The following TMEM178B variants were observed in gnomAD, a reference collection of about 807,000 sequenced individuals.
TMEM178B encodes transmembrane protein 178B.
Under a neutral mutation model 31.0 loss-of-function variants are expected in TMEM178B, and 5 were observed. The observed-to-expected ratio is 0.16, with a 90% CI of 0.08 to 0.34. TMEM178B has a LOEUF of 0.34. Ranked by LOEUF, TMEM178B falls within the 10% of genes least tolerant of loss-of-function variation. TMEM178B has a pLI of 1.00. For missense variants in TMEM178B, 275 were observed against 400.3 expected, an observed-to-expected ratio of 0.69 and a Z score of 2.67; for synonymous variants, 164 against 164.0, an observed-to-expected ratio of 1.00 and a Z score of 0.00.
chr7:141,507,243 G>T, the TMEM178B span, among the ~76,000 whole-genome samples: 2 of 152,190 alleles, frequency 1.3e-5, no homozygotes, highest in Non-Finnish European at 2.9e-5. Flanking sequence ...CTGTGTGGGG[G>T]CTCCAACCCC....
At position 141,309,601 on chromosome 7, in the gene TMEM178B, AT is replaced by A. The variant is rs577757601; in HGVS notation, c.496+96903del. Among the ~76,000 whole-genome samples, 227 of 152,210 alleles carry A rather than the reference AT, an allele frequency of 1.5e-3. 1 individual carries two copies. Among genetic ancestry groups the A allele is most frequent in the South Asian group, 4.1e-3 (20 of 4,822 alleles). On this transcript the variant is annotated intron_variant, in intron 2 of 3. Transcript: ENST00000565468. ...TTTGATAGATTAGGGATAGATATTA[AT>A]TTTTTATCTTCTCTTGTGACTTGAT...
At chr7:141,452,735 T>TA (rs1027312317) in intron 3 of TMEM178B, among the ~76,000 whole-genome samples, 10 of 152,122 alleles carry the variant, frequency 6.6e-5, no homozygotes, top group East Asian at 3.9e-4. Flanking sequence ...GTTAATATAT[T>TA]AAAAAAAATA....
the TMEM178B span, among the ~76,000 whole-genome samples, chr7:141,496,140 A>C: frequency 6.6e-6 from 1 of 152,154 alleles, no homozygotes; most frequent in African/African-American, 2.4e-5. Flanking sequence ...AGCTAAGCAC[A>C]TGCTCCTATG....
intron 2 of TMEM178B, among the ~76,000 whole-genome samples, chr7:141,233,435 C>T (rs535804698): frequency 1.1e-4 from 16 of 152,186 alleles, no homozygotes; most frequent in African/African-American, 3.9e-4. Context: ...AAATTTTCTC[C>T]ATTTTTCCAT....
intron 1 of TMEM178B, among the ~76,000 whole-genome samples, chr7:141,154,402 C>T (rs779140598): frequency 6.6e-6 from 1 of 152,144 alleles, no homozygotes; most frequent in Non-Finnish European, 1.5e-5. Context: ...TAGGACAGAC[C>T]GAGGCTCTGC....
intron 2 of TMEM178B, among the ~76,000 whole-genome samples, chr7:141,241,900 G>A (rs1348877291): frequency 2.0e-5 from 3 of 151,946 alleles, no homozygotes; most frequent in African/African-American, 2.4e-5. Flanking sequence ...AAAATTTATC[G>A]AGAGATCTTT....
intron 2 of TMEM178B, among the ~76,000 whole-genome samples, chr7:141,435,302 G>A (rs1801514567): frequency 6.6e-6 from 1 of 152,228 alleles, no homozygotes; most frequent in South Asian, 2.1e-4. Context: ...GGAAGTATAA[G>A]CCCCTTACAG....
intron 2 of TMEM178B, among the ~76,000 whole-genome samples, chr7:141,414,073 TCA>T (rs1491458477): frequency 1.4e-5 from 1 of 72,994 alleles, no homozygotes; most frequent in Non-Finnish European, 2.5e-5. Flanking sequence ...TCCAAAAACA[TCA>T]TTTTTTTTTT....
intron 1 of TMEM178B, among the ~76,000 whole-genome samples, chr7:141,138,101 G>A (rs921622579): frequency 6.8e-6 from 1 of 147,548 alleles, no homozygotes; most frequent in Non-Finnish European, 1.5e-5. Context: ...TCGCTCAGTC[G>A]CCCAGGCTGG....
At chr7:141,427,290 T>A (rs1325977254) in intron 2 of TMEM178B, among the ~76,000 whole-genome samples, 1 of 152,172 alleles carries the variant, frequency 6.6e-6, no homozygotes, top group Non-Finnish European at 1.5e-5. Context: ...GCTGGAGATG[T>A]CATACTTCCT....
chr7:141,192,591 A>G (rs573491552), intron 1 of TMEM178B, among the ~76,000 whole-genome samples: 1 of 151,656 alleles, frequency 6.6e-6, no homozygotes, highest in Non-Finnish European at 1.5e-5. Flanking sequence ...CAGCCTCCCG[A>G]ATAGCTGCGA....
chr7:141,360,833 G>T (rs1799905852), intron 2 of TMEM178B, among the ~76,000 whole-genome samples: 1 of 152,032 alleles, frequency 6.6e-6, no homozygotes, highest in Non-Finnish European at 1.5e-5. Context: ...TAGGTGTACT[G>T]ATAAGTAAGA....
intron 1 of TMEM178B, among the ~76,000 whole-genome samples, chr7:141,132,112 G>C (rs1478674456): frequency 1.3e-5 from 2 of 152,138 alleles, no homozygotes; most frequent in African/African-American, 4.8e-5. Flanking sequence ...TGAGTGCTGA[G>C]GCTGAGGATT....
intron 1 of TMEM178B, among the ~76,000 whole-genome samples, chr7:141,143,266 G>A (rs1795803544): frequency 6.6e-6 from 1 of 152,122 alleles, no homozygotes; most frequent in East Asian, 1.9e-4. Flanking sequence ...TTGCTTTTGA[G>A]GACTTAGTCA....
At chr7:141,252,011 A>G (rs1349779691) in intron 2 of TMEM178B, among the ~76,000 whole-genome samples, 1 of 152,216 alleles carries the variant, frequency 6.6e-6, no homozygotes, top group African/African-American at 2.4e-5. Context: ...TTAAGGCTTA[A>G]AAAGTTGCAA....
At chr7:141,372,290 C>T (rs1800131647) in intron 2 of TMEM178B, among the ~76,000 whole-genome samples, 1 of 152,176 alleles carries the variant, frequency 6.6e-6, no homozygotes, top group Non-Finnish European at 1.5e-5. Context: ...ACAGCTGCAT[C>T]TCATTATCCA....
At chr7:141,098,682 G>A (rs555463345) in intron 1 of TMEM178B, among the ~76,000 whole-genome samples, 1 of 152,310 alleles carries the variant, frequency 6.6e-6, no homozygotes, top group East Asian at 1.9e-4. Context: ...ACAAGTAAAT[G>A]CCATAGAATA....
chr7:141,431,132 G>T (rs1181736), intron 2 of TMEM178B: 2 of 150,722 alleles, frequency 1.3e-5, no homozygotes, highest in African/African-American at 4.9e-5. Context: ...AATTACCATC[G>T]CAACAAGGTC....
intron 2 of TMEM178B, among the ~76,000 whole-genome samples, chr7:141,355,994 C>G (rs1047428890): frequency 2.0e-5 from 3 of 152,214 alleles, no homozygotes; most frequent in Non-Finnish European, 4.4e-5. Flanking sequence ...TGTTAATTCT[C>G]TTAGGATATT....
Sources: gnomAD v4.1 joint callset for allele counts (sites outside exome capture counted in the v4.1 genomes callset) on GRCh38, gnomAD v4.1.1 for gene constraint, MANE v1.5 for transcripts, NCBI Gene and HGNC (gene_info 2026-07-23, HGNC 2026-07-21) for gene names.